Variants in RPTOR observed in about 807,000 individuals in gnomAD.
RPTOR encodes the protein regulatory associated protein of MTOR complex 1.
In RPTOR, 21 loss-of-function variants were observed where a neutral mutation model predicts 169.9. The ratio of observed to expected loss-of-function variants is 0.12; its 90% confidence interval spans 0.09 to 0.18. The LOEUF is 0.18. Ranked by LOEUF, RPTOR falls within the 10% of genes least tolerant of loss-of-function variation. The probability of loss-of-function intolerance (pLI) is 1.00; values close to 1 mark genes in which losing one functional copy is unlikely to be tolerated. For missense variants in RPTOR, 1,133 were observed against 1,855.9 expected (o/e 0.61, Z 7.16); for synonymous variants, 732 against 753.2 (o/e 0.97, Z 0.46).
chr17:80,821,583 A>G (rs1226103156), intron 7 of RPTOR, among the ~76,000 whole-genome samples: 2 of 150,956 alleles, frequency 1.3e-5, no homozygotes, highest in African/African-American at 4.9e-5. Flanking sequence ...CCCCCCGCCC[A>G]CTCTCTGTCG....
intron 3 of RPTOR, among the ~76,000 whole-genome samples, chr17:80,655,576 A>ATT (rs36041783): frequency 0.017 from 2,267 of 135,706 alleles, 28 homozygotes; most frequent in Middle Eastern, 0.035. Context: ...CTAATTTTTA[A>ATT]TTTTTTTTTT....
chr17:80,921,756 A>G (rs2068747431), intron 21 of RPTOR, among the ~76,000 whole-genome samples: 1 of 152,062 alleles, frequency 6.6e-6, no homozygotes, highest in Admixed American at 6.6e-5. Context: ...TTGGAGCCTC[A>G]TGCTGCCCAC....
intron 4 of RPTOR, among the ~76,000 whole-genome samples, chr17:80,711,744 CT>C (rs1226456124): frequency 1.2e-3 from 104 of 88,808 alleles, no homozygotes; most frequent in Admixed American, 1.8e-3. Context: ...ATACATCAGT[CT>C]TTTTTTTTTT....
chr17:80,681,624 C>T (rs2065898809), intron 3 of RPTOR, among the ~76,000 whole-genome samples: 1 of 143,786 alleles, frequency 7.0e-6, no homozygotes, highest in Non-Finnish European at 1.5e-5. Context: ...ACGTCTCTTA[C>T]ACCTTCATGA....
chr17:80,776,914 G>T (rs1287411688), intron 6 of RPTOR, among the ~76,000 whole-genome samples: 1 of 152,176 alleles, frequency 6.6e-6, no homozygotes, highest in East Asian at 1.9e-4. Flanking sequence ...AATCTTTTTG[G>T]TGAACCCAAG....
At chr17:80,573,222 G>C (rs1041833741) in intron 1 of RPTOR, among the ~76,000 whole-genome samples, 8 of 152,150 alleles carry the variant, frequency 5.3e-5, no homozygotes, top group East Asian at 3.8e-4. Flanking sequence ...TGTTTTTCTT[G>C]AGAATGTCTT....
At chr17:80,825,709 G>A (rs969761543) in intron 9 of RPTOR, among the ~76,000 whole-genome samples, 2 of 152,202 alleles carry the variant, frequency 1.3e-5, no homozygotes, top group African/African-American at 4.8e-5. Flanking sequence ...CTTCCTGACG[G>A]TCACTGTGGA....
rs1362568762 is a variant in RPTOR at position 80,602,398 on chromosome 17, C to T, written c.163-23293C>T. Among the ~76,000 whole-genome samples the T allele has an allele frequency of 3.8e-5, 4 of 106,546 alleles. 1 individual carries two copies. Among genetic ancestry groups the T allele is most frequent in the Non-Finnish European group, 5.8e-5 (3 of 51,390 alleles). The allele number at this position is 106,546 out of a possible 152,430, so 69.9% of individuals were successfully genotyped here. Reference sequence around the variant, plus strand: ...CTGACCCCCCCACCTCCCTCCCGGACGGGGCGGCTGGCCGGGCGGGGGGCT... The same window carrying T: ...CTGACCCCCCCACCTCCCTCCCGGATGGGGCGGCTGGCCGGGCGGGGGGCT... On this transcript the variant is annotated intron_variant, in intron 1 of 33. Transcript: ENST00000306801.
chr17:80,762,767 G>A (rs1392367710), intron 6 of RPTOR, among the ~76,000 whole-genome samples: 1 of 152,060 alleles, frequency 6.6e-6, no homozygotes, highest in East Asian at 1.9e-4. Context: ...TCCCACCAAA[G>A]GGATGGAGCT....
chr17:80,687,162 A>G (rs1397218318), intron 3 of RPTOR, among the ~76,000 whole-genome samples: 2 of 152,196 alleles, frequency 1.3e-5, no homozygotes, highest in Non-Finnish European at 2.9e-5. Context: ...CCTCTGGCGC[A>G]TTCTCTGCCG....
rs1247920825 is a variant in RPTOR, at chr17:80,844,832, C to T, written c.1213-1641C>T. Among the ~76,000 whole-genome samples, 2 of 152,220 alleles carry T rather than the reference C, an allele frequency of 1.3e-5. No individual in the cohort carries two copies. The highest frequency in any genetic ancestry group is 2.9e-5 in the Non-Finnish European group (2 of 68,040). On this transcript the variant is annotated intron_variant, in intron 10 of 33. Coordinates refer to ENST00000306801, the MANE Select transcript of RPTOR (RefSeq NM_020761.3). The surrounding 1 kb of genome is among the most constrained non-coding windows in gnomAD (Gnocchi z 4.7). ...ACTGGAACCCGGGGCACAGCCGACC[C>T]CGGCCAGATGAGCGGAGGGAGGGTT...
At chr17:80,841,365 C>T (rs1378028388) in intron 10 of RPTOR, among the ~76,000 whole-genome samples, 5 of 115,212 alleles carry the variant, frequency 4.3e-5, no homozygotes, top group Non-Finnish European at 7.0e-5. Flanking sequence ...CTCTCTGCAC[C>T]GCAGCTCACA....
intron 7 of RPTOR, among the ~76,000 whole-genome samples, chr17:80,811,197 C>G (rs1488269375): frequency 6.6e-6 from 1 of 152,176 alleles, no homozygotes; most frequent in Non-Finnish European, 1.5e-5. Context: ...TCTAAATCTA[C>G]TAAGTATAAT....
chr17:80,773,087 T>C (rs1283779375), intron 6 of RPTOR, among the ~76,000 whole-genome samples: 1 of 152,192 alleles, frequency 6.6e-6, no homozygotes, highest in Non-Finnish European at 1.5e-5. Flanking sequence ...CACTGGGCTA[T>C]TGGGAGGCAC....
chr17:80,768,835 G>A (rs144811053), intron 6 of RPTOR, among the ~76,000 whole-genome samples: 1 of 152,256 alleles, frequency 6.6e-6, no homozygotes, highest in African/African-American at 2.4e-5. Context: ...GCGTGCTCAT[G>A]CCTCCATATT....
intron 1 of RPTOR, among the ~76,000 whole-genome samples, chr17:80,623,733 A>G (rs1455757758): frequency 6.6e-6 from 1 of 151,894 alleles, no homozygotes; most frequent in East Asian, 1.9e-4. Flanking sequence ...ACGAGGTTTC[A>G]CCATGTTGGC....
At chr17:80,565,914 C>G (rs1397338132) in intron 1 of RPTOR, among the ~76,000 whole-genome samples, 3 of 152,176 alleles carry the variant, frequency 2.0e-5, no homozygotes, top group African/African-American at 7.2e-5. Context: ...GCTTTGGTGC[C>G]CGGTTTCTAC....
In RPTOR at chr17:80,883,267, G is replaced by A. The variant is rs115026326; in HGVS notation, c.1585-152G>A. 124 of 698,716 alleles carry A rather than the reference G, an allele frequency of 1.8e-4. No homozygotes were observed. In the African/African-American group the frequency reaches 2.1e-3, roughly 12 times the overall value. The allele number at this position is 698,716 out of a possible 1,614,324, so 43.3% of individuals were successfully genotyped here. ...GAAAACAGCTGTTCTTTTTTGTAGAGTCCACGTAAAATCCAGGAGTAAAGC... is the reference window on the plus strand; with the variant it reads ...GAAAACAGCTGTTCTTTTTTGTAGAATCCACGTAAAATCCAGGAGTAAAGC... On this transcript the variant is annotated intron_variant, in intron 14 of 33. Coordinates refer to ENST00000306801, the MANE Select transcript of RPTOR (RefSeq NM_020761.3).
chr17:80,631,522 G>C (rs1234200245), intron 2 of RPTOR, among the ~76,000 whole-genome samples: 3 of 152,142 alleles, frequency 2.0e-5, no homozygotes, highest in African/African-American at 7.2e-5. Flanking sequence ...GGCTTTCTCG[G>C]AGAGGACGGG....
Sources: gnomAD v4.1 joint callset for allele counts (sites outside exome capture counted in the v4.1 genomes callset) on GRCh38, gnomAD v4.1.1 for gene constraint, Gnocchi (gnomAD v3.1) non-coding constraint, MANE v1.5 for transcripts, NCBI Gene and HGNC (gene_info 2026-07-23, HGNC 2026-07-21) for gene names.